The following KCNIP4 variants were observed in gnomAD, a reference collection of about 807,000 sequenced individuals.
The protein encoded by KCNIP4 is Kv channel-interacting protein 4.
A neutral mutation model predicts 34.0 loss-of-function variants in KCNIP4; 12 were observed. The ratio of observed to expected loss-of-function variants is 0.35; its 90% CI spans 0.23 to 0.57. KCNIP4 has a LOEUF of 0.57. Ranked by LOEUF, KCNIP4 falls within the 20% of genes least tolerant of loss-of-function variation. KCNIP4 has a pLI of 0.83. For synonymous variants in KCNIP4, 124 were observed against 102.2 expected, an observed-to-expected ratio of 1.21 and a Z score of -1.29; for missense variants, 238 against 311.7, an observed-to-expected ratio of 0.76 and a Z score of 1.78.
At chr4:20,916,029 A>T (rs889199099) in intron 1 of KCNIP4, among the ~76,000 whole-genome samples, 29 of 152,136 alleles carry the variant, frequency 1.9e-4, no homozygotes, top group Admixed American at 1.8e-3. Flanking sequence ...AAATTTTATG[A>T]TGCCCCAAAA....
chr4:21,719,262 T>C (rs1714615079), intron 1 of KCNIP4, among the ~76,000 whole-genome samples: 2 of 152,218 alleles, frequency 1.3e-5, no homozygotes, highest in South Asian at 4.1e-4. Flanking sequence ...ACCCAGGAAC[T>C]CTGAAATGAA....
At position 21,803,349 on chromosome 4, in the gene KCNIP4, C is replaced by T. The variant is rs148240558; in HGVS notation, c.61+145222G>A. Among the ~76,000 whole-genome samples, 3 of 152,268 alleles carry T rather than the reference C, an allele frequency of 2.0e-5. No individual in the cohort carries two copies. The East Asian group carries it at 5.8e-4, about 29-fold the overall frequency. ...TCTGTTGTCACCCAAGCTTTTATCACTTCTCATCTAAACAACCCTCTGGGC... is the reference window on the plus strand; with the variant it reads ...TCTGTTGTCACCCAAGCTTTTATCATTTCTCATCTAAACAACCCTCTGGGC... On this transcript the variant is annotated intron_variant, in intron 1 of 8. Transcript: ENST00000382152.
Position 20,728,923 on chromosome 4 carries a change from T to TGATTA in KCNIP4, c.*1158_*1159insTAATC, listed in dbSNP as rs397799349. ...ACTTTACAGTTTTGGCTAAGATGAT[T>TGATTA]AAAAATAATCTGAATTATGATGAGC... On this transcript the variant is annotated 3_prime_UTR_variant, in exon 9 of 9. Transcript: ENST00000382152. 2 of 152,198 alleles carry TGATTA rather than the reference T, an allele frequency of 1.3e-5. No individual in the cohort carries two copies. The highest frequency in any genetic ancestry group is 4.8e-5 in the African/African-American group (2 of 41,362). 9.4% of individuals were successfully genotyped at this position (152,198 alleles called of 1,614,324 possible).
chr4:20,741,036 T>C (rs1051865839), intron 5 of KCNIP4, among the ~76,000 whole-genome samples: 1 of 152,138 alleles, frequency 6.6e-6, no homozygotes, highest in African/African-American at 2.4e-5. Context: ...CCTAAATATA[T>C]ATGCACCAAT....
chr4:21,888,226 T>C (rs762497543), intron 1 of KCNIP4, among the ~76,000 whole-genome samples: 1 of 152,078 alleles, frequency 6.6e-6, no homozygotes, highest in Admixed American at 6.6e-5. Context: ...TAAGGATAAA[T>C]ACAACAAGTT....
chr4:21,572,539 A>G (rs1336528904), intron 1 of KCNIP4, among the ~76,000 whole-genome samples: 10 of 152,142 alleles, frequency 6.6e-5, no homozygotes, highest in Middle Eastern at 3.4e-3. Flanking sequence ...CAGTCACTTA[A>G]TTTCTCATCA....
chr4:21,647,718 G>A (rs1747128219), intron 1 of KCNIP4, among the ~76,000 whole-genome samples: 1 of 151,936 alleles, frequency 6.6e-6, no homozygotes. Flanking sequence ...CACAAGACAT[G>A]AACTTGAAAA....
chr4:21,707,477 G>A (rs1399793026), intron 1 of KCNIP4, among the ~76,000 whole-genome samples: 1 of 152,076 alleles, frequency 6.6e-6, no homozygotes, highest in Non-Finnish European at 1.5e-5. Flanking sequence ...CAGAGGTAAG[G>A]AAAAGTGTTT....
intron 1 of KCNIP4, among the ~76,000 whole-genome samples, chr4:21,774,936 C>G (rs1358857166): frequency 6.6e-6 from 1 of 152,142 alleles, no homozygotes; most frequent in Non-Finnish European, 1.5e-5. Flanking sequence ...TCTTCTGAAG[C>G]CTACTTCTGT....
chr4:21,892,781 C>T (rs988575311), intron 1 of KCNIP4, among the ~76,000 whole-genome samples: 1 of 152,022 alleles, frequency 6.6e-6, no homozygotes, highest in African/African-American at 2.4e-5. Context: ...TGGTTTACAA[C>T]TCTTGCTGTG....
chr4:21,277,098 G>C (rs1196177258), intron 1 of KCNIP4, among the ~76,000 whole-genome samples: 5 of 152,104 alleles, frequency 3.3e-5, no homozygotes, highest in Admixed American at 2.6e-4. Flanking sequence ...TAAGATTTTT[G>C]TGTTCATATA....
intron 1 of KCNIP4, among the ~76,000 whole-genome samples, chr4:21,454,999 G>T (rs10025716): frequency 0.025 from 3,767 of 152,110 alleles, 161 homozygotes; most frequent in African/African-American, 0.087. Flanking sequence ...AGAGTACCAA[G>T]TTCTGGAGAA....
At position 20,824,531 on chromosome 4, in the gene KCNIP4, T is replaced by C. The variant is rs1041017221; in HGVS notation, c.288+26012A>G. On this transcript the variant is annotated intron_variant, in intron 3 of 8. Coordinates refer to ENST00000382152, the MANE Select transcript of KCNIP4 (RefSeq NM_025221.6). ...CCCATCTCTACTAAAAATACAAAAA[T>C]TAGCCGGGCGTGGTGGCATGTGCCT... Among the ~76,000 whole-genome samples the C allele has an allele frequency of 2.0e-5, 3 of 152,094 alleles. No homozygotes were observed. The East Asian group carries it at 5.8e-4, about 30-fold the overall frequency.
chr4:20,909,561 A>C (rs1728130682), intron 1 of KCNIP4, among the ~76,000 whole-genome samples: 1 of 152,178 alleles, frequency 6.6e-6, no homozygotes, highest in Non-Finnish European at 1.5e-5. Flanking sequence ...ACTATGAGAG[A>C]AACAGTCATG....
intron 1 of KCNIP4, among the ~76,000 whole-genome samples, chr4:20,968,940 A>G (rs1342138140): frequency 1.3e-5 from 2 of 152,176 alleles, no homozygotes; most frequent in African/African-American, 2.4e-5. Flanking sequence ...AAATAAAAAT[A>G]AAAGTAAATA....
intron 1 of KCNIP4, among the ~76,000 whole-genome samples, chr4:20,984,252 T>C (rs1441944763): frequency 6.6e-6 from 1 of 152,204 alleles, no homozygotes; most frequent in Non-Finnish European, 1.5e-5. Flanking sequence ...GTCGGAGAAC[T>C]GGAGACTTTG....
At chr4:20,939,754 A>G (rs752484922) in intron 1 of KCNIP4, among the ~76,000 whole-genome samples, 2 of 152,134 alleles carry the variant, frequency 1.3e-5, no homozygotes, top group African/African-American at 2.4e-5. Flanking sequence ...TTACCCAGTC[A>G]CCCACACTGG....
intron 1 of KCNIP4, among the ~76,000 whole-genome samples, chr4:21,343,331 A>T (rs1486547519): frequency 1.3e-5 from 2 of 152,160 alleles, no homozygotes; most frequent in Non-Finnish European, 1.5e-5. Context: ...TACTACTTAA[A>T]AAAGGAAAGA....
chr4:21,548,521 A>G (rs956865260), intron 1 of KCNIP4, among the ~76,000 whole-genome samples: 5 of 152,076 alleles, frequency 3.3e-5, no homozygotes, highest in Non-Finnish European at 7.4e-5. Flanking sequence ...GTATCTGCAA[A>G]TATGTCTATA....
Sources: gnomAD v4.1 joint callset for allele counts (sites outside exome capture counted in the v4.1 genomes callset) on GRCh38, gnomAD v4.1.1 for gene constraint, MANE v1.5 for transcripts, NCBI Gene and HGNC (gene_info 2026-07-23, HGNC 2026-07-21) for gene names.